Variants in ATP2A3 observed in about 807,000 individuals in gnomAD.
ATP2A3 encodes sarcoplasmic/endoplasmic reticulum calcium ATPase 3.
Under a neutral mutation model 106.8 loss-of-function variants are expected in ATP2A3, and 61 were observed. The observed-to-expected ratio is 0.57, with a 90% CI of 0.46 to 0.71. The LOEUF (loss-of-function observed/expected upper bound fraction) is 0.71, where lower values mean the gene tolerates loss of function less well. ATP2A3 is among the 30% of genes least tolerant of loss of function. The pLI is 0.00. For missense variants in ATP2A3, 1,201 were observed against 1,423.5 expected, an observed-to-expected ratio of 0.84 and a Z score of 2.52; for synonymous variants, 611 against 609.3, an observed-to-expected ratio of 1.00 and a Z score of -0.04.
intron 20 of ATP2A3, chr17:3,927,183 C>G (rs1326093140): frequency 1.0e-6 from 1 of 985,450 alleles, no homozygotes; most frequent in Non-Finnish European, 1.2e-6. Flanking sequence ...CTAGCCTGTC[C>G]CCTCCCGCTA....
rs1469535744 is a variant in ATP2A3, at chr17:3,955,878, TTTTA to T, written c.119-2172_119-2169del. Among the ~76,000 whole-genome samples, 3 of 144,614 alleles carry T rather than the reference TTTTA, an allele frequency of 2.1e-5. No homozygotes were observed. The East Asian group carries it at 5.8e-4, about 28-fold the overall frequency. The allele number at this position is 144,614 out of a possible 152,430, so 94.9% of individuals were successfully genotyped here. ...TCAAGTTCTCCTTTCTCTTATTTTA[TTTTA>T]TTTTATTTTTTTTTTTTGAGATGGA... is the stretch of plus-strand genomic sequence containing the variant. On this transcript the variant is annotated intron_variant, in intron 1 of 20. Coordinates refer to ENST00000397041, the MANE Select transcript of ATP2A3 (RefSeq NM_005173.4). The surrounding 1 kb of genome is among the most constrained non-coding windows in gnomAD (Gnocchi z 4.2).
intron 16 of ATP2A3, 148 bp from the exon 17 acceptor site, chr17:3,935,425 C>T: frequency 1.4e-6 from 1 of 722,518 alleles, no homozygotes; most frequent in Non-Finnish European, 2.3e-6. Flanking sequence ...CCCCTCGATG[C>T]CAGTGGTGGG....
In ATP2A3 at chr17:3,925,056, G is replaced by C; in HGVS notation, c.*366C>G. ...ACGTCCAGCTTCCGAACAAGGGGGA[G>C]CAAGCTCCAGCTGCACTCGTGATTT... On this transcript the variant is annotated 3_prime_UTR_variant, in exon 21 of 21. Coordinates refer to ENST00000397041, the MANE Select transcript of ATP2A3 (RefSeq NM_005173.4). This position sits in a 1 kb window ranked among gnomAD's most constrained non-coding sequence, Gnocchi z 4.2. 2.1e-6 allele frequency: 1 copy of C among 467,962 alleles called. No homozygotes were observed. The highest frequency in any genetic ancestry group is 4.0e-6 in the Non-Finnish European group (1 of 252,642). The allele number at this position is 467,962 out of a possible 1,614,324, so 29.0% of individuals were successfully genotyped here.
chr17:3,924,926 C>T lies in ATP2A3; in HGVS notation c.*496G>A. On this transcript the variant is annotated 3_prime_UTR_variant, in exon 21 of 21. Transcript: ENST00000397041. This position sits in a 1 kb window ranked among gnomAD's most constrained non-coding sequence, Gnocchi z 6.4. Reference sequence around the variant, plus strand: ...GGCCCAGATGGCCCCTTCTGATCCCCCAGGGCTGACCCAGTCCCAGACCAG... The same window carrying T: ...GGCCCAGATGGCCCCTTCTGATCCCTCAGGGCTGACCCAGTCCCAGACCAG... 2.3e-6 allele frequency: 1 copy of T among 440,926 alleles called. No homozygotes were observed. Among genetic ancestry groups the T allele is most frequent in the Non-Finnish European group, 4.5e-6 (1 of 219,962 alleles). 27.3% of individuals were successfully genotyped at this position (440,926 alleles called of 1,614,324 possible). A position where few individuals can be genotyped will look rare whatever the true frequency, so the allele number is the denominator to read the frequency against.
At position 3,924,826 on chromosome 17, in the gene ATP2A3, T is replaced by G. The variant is rs1244744003; in HGVS notation, c.*596A>C. On this transcript the variant is annotated 3_prime_UTR_variant, in exon 21 of 21. Transcript: ENST00000397041. The surrounding 1 kb of genome is among the most constrained non-coding windows in gnomAD (Gnocchi z 6.4). ...CCTGCACATATAAACAGAAGCAGCC[T>G]CGAGCTCTCGGGAGCCGACTTTGTG... The G allele has an allele frequency of 2.2e-6, 1 of 456,490 alleles. No homozygotes were observed. The highest frequency in any genetic ancestry group is 4.4e-6 in the Non-Finnish European group (1 of 226,992). The allele number at this position is 456,490 out of a possible 1,614,324, so 28.3% of individuals were successfully genotyped here.
chr17:3,964,223 G>T lies in ATP2A3; in HGVS notation c.69C>A (p.Gly23=). The change falls in exon 1 of 21, where the codon GGC becomes GGA. Residue 23 remains glycine, a synonymous_variant. Transcript: ENST00000397041. ...CGCCGGTCACCTGCGCCGGGCTCAG[G>T]CCGCCCTCGGCTGTCACCGAGAAGT... The part of the protein sequence containing the change: ...LRHFSVTAEG[G]LSPAQVTGAR... 1 of 1,275,430 alleles carries T rather than the reference G, an allele frequency of 7.8e-7. No individual in the cohort carries two copies. Among genetic ancestry groups the T allele is most frequent in the South Asian group, 1.7e-5 (1 of 57,346 alleles). 79.0% of individuals were successfully genotyped at this position (1,275,430 alleles called of 1,614,324 possible).
Position 3,943,773 on chromosome 17 carries a change from T to A in ATP2A3, c.1288-251A>T, listed in dbSNP as rs555776726. Among the ~76,000 whole-genome samples the A allele has an allele frequency of 8.2e-4, 125 of 152,286 alleles. 1 individual carries two copies. Among genetic ancestry groups the A allele is most frequent in the African/African-American group, 2.8e-3 (115 of 41,560 alleles). ...GCCCTCCGCCTGCATCTCTGTCCAC[T>A]TCCTGTCAGCCTCCTTCACCGGTTT... On this transcript the variant is annotated intron_variant, in intron 10 of 20. Coordinates refer to ENST00000397041, the MANE Select transcript of ATP2A3 (RefSeq NM_005173.4).
rs1392591626 is a variant in ATP2A3, at chr17:3,947,318, T to TG, written c.1095+72dup. ...CCTCCATCCCTCACTGAAAAGGAGG[T>TG]GGGGGAGAGACCCAGAGAGGGAGCC... On this transcript the variant is annotated intron_variant, in intron 8 of 20. Coordinates refer to ENST00000397041, the MANE Select transcript of ATP2A3 (RefSeq NM_005173.4). This position sits in a 1 kb window ranked among gnomAD's most constrained non-coding sequence, Gnocchi z 7.7. The TG allele has an allele frequency of 6.4e-7, 1 of 1,554,042 alleles. No individual in the cohort carries two copies. Among genetic ancestry groups the TG allele is most frequent in the African/African-American group, 1.4e-5 (1 of 73,556 alleles).
intron 11 of ATP2A3, among the ~76,000 whole-genome samples, chr17:3,943,185 T>A (rs1173903474): frequency 6.6e-6 from 1 of 151,110 alleles, no homozygotes; most frequent in East Asian, 2.0e-4. Flanking sequence ...GGCACGAGAA[T>A]CACTTGAACC....
At chr17:3,951,546 G>GGGCCCCCCCCCCCGGCCC in intron 4 of ATP2A3, 35 bp downstream of exon 4, 1 of 1,319,568 alleles carries the variant, frequency 7.6e-7, no homozygotes, top group Non-Finnish European at 1.0e-6. Context: ...CTGGGAGACC[G>GGGCCCCCCCCCCCGGCCC]CCCCCCGCCC....
intron 20 of ATP2A3, chr17:3,927,591 C>T: frequency 1.0e-6 from 1 of 985,410 alleles, no homozygotes. Context: ...TCCAGTGTCT[C>T]CCCAGGGCTG....
chr17:3,944,514 G>A (rs1348816033), intron 10 of ATP2A3, among the ~76,000 whole-genome samples, 190 bp downstream of exon 10: 1 of 152,150 alleles, frequency 6.6e-6, no homozygotes, highest in Non-Finnish European at 1.5e-5. Context: ...GAGCCCCAGG[G>A]GGAGGGTTCT....
intron 1 of ATP2A3, among the ~76,000 whole-genome samples, chr17:3,958,777 CACACATATATAT>C (rs1440690968): frequency 2.8e-5 from 4 of 141,378 alleles, no homozygotes; most frequent in East Asian, 2.0e-4. Context: ...TATATATACA[CACACATATATAT>C]ACACATATAT....
In ATP2A3 at chr17:3,936,323, C is replaced by T. The variant is rs1441370938; in HGVS notation, c.2468G>A (p.Ser823Asn). ...DLDIMEKLPR[S>N]PREALISGWL... ...GCCACTGATGAGGGCTTCTCGGGGG[C>T]TCCGGGGCAGCTTCTCCATGATGTC... is the stretch of plus-strand genomic sequence containing the variant. Residue 823 changes from serine to asparagine, a missense_variant, in exon 16 of 21, where the codon AGC becomes AAC. By Grantham distance (46) the Ser-to-Asn change is conservative. This residue lies in a region of ATP2A3 where 935 missense variants were observed against 1,176.7 expected (regional missense o/e 0.79). Transcript: ENST00000397041. This position sits in a 1 kb window ranked among gnomAD's most constrained non-coding sequence, Gnocchi z 5.4. 6.2e-7 allele frequency: 1 copy of T among 1,614,074 alleles called. No individual in the cohort carries two copies. The highest frequency in any genetic ancestry group is 8.5e-7 in the Non-Finnish European group (1 of 1,180,016).
chr17:3,948,852 G>A (rs1321616772), intron 7 of ATP2A3, among the ~76,000 whole-genome samples: 1 of 152,154 alleles, frequency 6.6e-6, no homozygotes, highest in Non-Finnish European at 1.5e-5. Flanking sequence ...TTCTGGGCCA[G>A]GTGCAGTGGC....
chr17:3,964,183 C>T lies in ATP2A3; in HGVS notation c.109G>A (p.Gly37Ser). ...AQVTGARERY[G>S]PNELPSEEGK... ...CGGCCCGCGCGCTCACCGTTGGGGC[C>T]GTAGCGCTCCCGCGCGCCGGTCACC... is the stretch of plus-strand genomic sequence containing the variant. Residue 37 changes from glycine (G) to serine (S), a missense_variant, in exon 1 of 21, where the codon GGC becomes AGC. By Grantham distance (56) the Gly-to-Ser change is moderately conservative. Around this residue, in one of 2 missense-constraint regions of ATP2A3, gnomAD observed 266 missense variants for 246.8 expected, o/e 1.08. Coordinates refer to ENST00000397041, the MANE Select transcript of ATP2A3 (RefSeq NM_005173.4). The T allele has an allele frequency of 8.1e-7, 1 of 1,234,046 alleles. No individual in the cohort carries two copies. Among genetic ancestry groups the T allele is most frequent in the South Asian group, 2.0e-5 (1 of 49,248 alleles). 76.4% of individuals were successfully genotyped at this position (1,234,046 alleles called of 1,614,324 possible). A position where few individuals can be genotyped will look rare whatever the true frequency, so the allele number is the denominator to read the frequency against.
rs552276386 is a variant in ATP2A3 at position 3,947,766 on chromosome 17, C to A, written c.720G>T (p.Ala240=). ...TELGKIRSQM[A]AVEPERTPLQ... ...GCGGCGTCCGCTCGGGCTCGACTGC[C>A]GCCATCTGGCTCCGGATCTTGCCCA... is the stretch of plus-strand genomic sequence containing the variant. The change falls in exon 8 of 21, where the codon GCG becomes GCT. Residue 240 remains alanine (A), a synonymous_variant. Coordinates refer to ENST00000397041, the MANE Select transcript of ATP2A3 (RefSeq NM_005173.4). The surrounding 1 kb of genome is among the most constrained non-coding windows in gnomAD (Gnocchi z 7.7). 6.2e-7 allele frequency: 1 copy of A among 1,604,262 alleles called. No individual in the cohort carries two copies. Among genetic ancestry groups the A allele is most frequent in the African/African-American group, 1.3e-5 (1 of 74,952 alleles).
intron 1 of ATP2A3, among the ~76,000 whole-genome samples, chr17:3,956,979 G>A (rs1361070416): frequency 6.6e-6 from 1 of 152,224 alleles, no homozygotes; most frequent in Admixed American, 6.5e-5. Context: ...GCCTGCTGTG[G>A]TGATCATCAT....
rs994851177 is a variant in ATP2A3, at chr17:3,955,320, G to A, written c.119-1610C>T. ...CCCGGACCACCTGTTTGGAAGCTTT[G>A]GGGTCTGCACCTGGCAGCTGAACCC... On this transcript the variant is annotated intron_variant, in intron 1 of 20. Coordinates refer to ENST00000397041, the MANE Select transcript of ATP2A3 (RefSeq NM_005173.4). The surrounding 1 kb of genome is among the most constrained non-coding windows in gnomAD (Gnocchi z 4.2). Among the ~76,000 whole-genome samples the A allele has an allele frequency of 1.3e-5, 2 of 152,120 alleles. No homozygotes were observed. Among genetic ancestry groups the A allele is most frequent in the Non-Finnish European group, 2.9e-5 (2 of 68,020 alleles).
Sources: gnomAD v4.1 joint callset for allele counts (sites outside exome capture counted in the v4.1 genomes callset) on GRCh38, gnomAD v4.1.1 for gene constraint, gnomAD v4.1.1 regional missense constraint, Gnocchi (gnomAD v3.1) non-coding constraint, MANE v1.5 for transcripts, NCBI Gene and HGNC (gene_info 2026-07-23, HGNC 2026-07-21) for gene names.